The following ALOX5 variants were observed in gnomAD, a reference collection of about 807,000 sequenced individuals.
The protein encoded by ALOX5 is arachidonate 5-lipoxygenase.
Under a neutral mutation model 87.9 loss-of-function variants are expected in ALOX5, and 64 were observed. The observed-to-expected ratio is 0.73, with a 90% confidence interval of 0.60 to 0.90. The LOEUF is 0.90. ALOX5 is among the 40% of genes least tolerant of loss of function. ALOX5 has a pLI of 0.00. For missense variants in ALOX5, 822 were observed against 907.5 expected, an observed-to-expected ratio of 0.91 and a Z score of 1.21; for synonymous variants, 388 against 355.1, an observed-to-expected ratio of 1.09 and a Z score of -1.04.
rs140361993 is a variant in ALOX5 at position 45,380,896 on chromosome 10, C to T, written c.151-1587C>T. On this transcript the variant is annotated intron_variant, in intron 1 of 13. Coordinates refer to ENST00000374391, the MANE Select transcript of ALOX5 (RefSeq NM_000698.5). ...AGTGGAGGTTGCAGTGAGCCGAGAT[C>T]GAGCCACTGCACTCCAGCCTGAGCA... is the stretch of plus-strand genomic sequence containing the variant. 2.4e-3 allele frequency among the ~76,000 whole-genome samples: 369 copies of T among 152,268 alleles called. 1 individual carries two copies. Among genetic ancestry groups the T allele is most frequent in the Non-Finnish European group, 4.1e-3 (281 of 68,020 alleles).
intron 1 of ALOX5, among the ~76,000 whole-genome samples, chr10:45,379,706 AAGG>A (rs1463517519): frequency 6.6e-6 from 1 of 152,174 alleles, no homozygotes; most frequent in African/African-American, 2.4e-5. Flanking sequence ...CCTCTGGAGA[AAGG>A]AGGCCACCCA....
At chr10:45,386,104 A>G (rs541117405) in intron 2 of ALOX5, among the ~76,000 whole-genome samples, 4 of 152,104 alleles carry the variant, frequency 2.6e-5, no homozygotes, top group Admixed American at 2.0e-4. Context: ...GATCGAGACC[A>G]TCCTGGCTAA....
At chr10:45,420,439 T>G (rs958055455) in intron 4 of ALOX5, among the ~76,000 whole-genome samples, 5 of 152,248 alleles carry the variant, frequency 3.3e-5, no homozygotes, top group Non-Finnish European at 7.3e-5. Flanking sequence ...TGTAGTCAAA[T>G]TAATTTGGAA....
chr10:45,380,832 C>T (rs889687593), intron 1 of ALOX5, among the ~76,000 whole-genome samples: 1 of 152,140 alleles, frequency 6.6e-6, no homozygotes, highest in Non-Finnish European at 1.5e-5. Context: ...GTCCCAGCTA[C>T]TTGGGAGACT....
At chr10:45,384,676 A>G (rs908719150) in intron 2 of ALOX5, among the ~76,000 whole-genome samples, 4 of 152,118 alleles carry the variant, frequency 2.6e-5, no homozygotes, top group Admixed American at 2.6e-4. Flanking sequence ...GGAAGCTGCC[A>G]ATCTCTTCAG....
At chr10:45,415,484 G>A (rs1448490587) in intron 4 of ALOX5, among the ~76,000 whole-genome samples, 1 of 151,934 alleles carries the variant, frequency 6.6e-6, no homozygotes, top group Admixed American at 6.6e-5. Context: ...TACCTAATTA[G>A]GAGTTAATGG....
In ALOX5 at chr10:45,424,221, A is replaced by G. The variant is rs565361358; in HGVS notation, c.661+74A>G. ...GCTCTCCTGTCTGATACTTGCCGGG[A>G]AATTGACAAGGGCCTTCCTGCCTGC... On this transcript the variant is annotated intron_variant, in intron 5 of 13. Transcript: ENST00000374391. 1.1e-5 allele frequency: 15 copies of G among 1,342,434 alleles called. No individual in the cohort carries two copies. In the East Asian group the frequency reaches 3.5e-4, roughly 31 times the overall value. The allele number at this position is 1,342,434 out of a possible 1,614,324, so 83.2% of individuals were successfully genotyped here.
At chr10:45,431,443 A>G (rs950231015) in intron 7 of ALOX5, among the ~76,000 whole-genome samples, 1 of 152,162 alleles carries the variant, frequency 6.6e-6, no homozygotes, top group Non-Finnish European at 1.5e-5. Flanking sequence ...AGATTAATAA[A>G]TTCATTTGGC....
chr10:45,395,817 C>A, intron 2 of ALOX5, 38 bp from the exon 3 acceptor site: 1 of 1,589,286 alleles, frequency 6.3e-7, no homozygotes, highest in Non-Finnish European at 8.6e-7. Flanking sequence ...TGTTATTGTT[C>A]TTCCTCAGGC....
At position 45,440,571 on chromosome 10, in the gene ALOX5, G is replaced by C; in HGVS notation, c.1123G>C (p.Val375Leu). 1.9e-6 allele frequency: 3 copies of C among 1,614,164 alleles called. No homozygotes were observed. In the South Asian group the frequency reaches 3.3e-5, roughly 18 times the overall value. ...CACCCACCTTCTGCGAACACATCTG[G>C]TGTCTGAGGTTTTTGGCATTGCAAT... ...TITHLLRTHL[V>L]SEVFGIAMYR... is the part of the protein sequence containing the mutation. Residue 375 changes from valine (V) to leucine (L), a missense_variant, in exon 8 of 14, where the codon GTG becomes CTG. Physicochemically the swap from Val to Leu is conservative, Grantham distance 32. Coordinates refer to ENST00000374391, the MANE Select transcript of ALOX5 (RefSeq NM_000698.5).
At chr10:45,383,094 C>A (rs1290003302) in intron 2 of ALOX5, among the ~76,000 whole-genome samples, 1 of 152,236 alleles carries the variant, frequency 6.6e-6, no homozygotes, top group Non-Finnish European at 1.5e-5. Context: ...AGGGCTCAGG[C>A]AAGCTCAGGG....
intron 1 of ALOX5, among the ~76,000 whole-genome samples, chr10:45,380,487 A>G (rs1333017162): frequency 6.6e-6 from 1 of 152,226 alleles, no homozygotes; most frequent in East Asian, 1.9e-4. Context: ...GAAGCCCTCC[A>G]GGGGTCCTCC....
intron 6 of ALOX5, among the ~76,000 whole-genome samples, chr10:45,428,031 A>T (rs1305264141): frequency 6.6e-6 from 1 of 150,840 alleles, no homozygotes; most frequent in Non-Finnish European, 1.5e-5. Context: ...CTCTCCCGAA[A>T]CACGCTCATT....
chr10:45,392,336 G>T (rs1429549570), intron 2 of ALOX5, among the ~76,000 whole-genome samples: 3 of 151,972 alleles, frequency 2.0e-5, no homozygotes, highest in African/African-American at 7.3e-5. Flanking sequence ...GGTAGACATG[G>T]GAGACTTTTC....
At chr10:45,440,662 T>C (rs1842206405) in intron 8 of ALOX5, 29 bp downstream of exon 8, 3 of 1,605,452 alleles carry the variant, frequency 1.9e-6, no homozygotes, top group Non-Finnish European at 2.6e-6. Flanking sequence ...CCACCTGCTA[T>C]GGGAGGGCAT....
intron 7 of ALOX5, among the ~76,000 whole-genome samples, chr10:45,436,016 G>C (rs1268166180): frequency 6.6e-6 from 1 of 152,176 alleles, no homozygotes; most frequent in Non-Finnish European, 1.5e-5. Context: ...TTTCTCTGAT[G>C]ATTAGTGATG....
At chr10:45,412,091 T>C in intron 3 of ALOX5, 100 bp from the exon 4 acceptor site, 2 of 1,520,314 alleles carry the variant, frequency 1.3e-6, no homozygotes, top group Non-Finnish European at 1.8e-6. Context: ...TACATCAATC[T>C]CCCTGTGTAA....
intron 3 of ALOX5, among the ~76,000 whole-genome samples, chr10:45,399,583 G>A (rs182946297): frequency 1.2e-4 from 19 of 152,182 alleles, no homozygotes; most frequent in East Asian, 3.9e-4. Flanking sequence ...TCTTGGGTTC[G>A]GCAAAGTCTC....
In ALOX5 at chr10:45,440,621, C is replaced by T. The variant is rs1842204067; in HGVS notation, c.1173C>T (p.His391=). The change falls in exon 8 of 14, where the codon CAC becomes CAT. Residue 391 remains histidine, a synonymous_variant. Coordinates refer to ENST00000374391, the MANE Select transcript of ALOX5 (RefSeq NM_000698.5). ...TGTACCGCCAGCTGCCTGCTGTGCA[C>T]CCCATTTTCAAGGTACAGCCAGCTA... ...IAMYRQLPAV[H]PIFKLLVAHV... 1 of 1,614,112 alleles carries T rather than the reference C, an allele frequency of 6.2e-7. No individual in the cohort carries two copies. The highest frequency in any genetic ancestry group is 1.7e-5 in the Admixed American group (1 of 60,022).
Sources: gnomAD v4.1 joint callset for allele counts (sites outside exome capture counted in the v4.1 genomes callset) on GRCh38, gnomAD v4.1.1 for gene constraint, MANE v1.5 for transcripts, NCBI Gene and HGNC (gene_info 2026-07-23, HGNC 2026-07-21) for gene names.